Variants in AFG2A observed in about 807,000 individuals in gnomAD.
The protein encoded by AFG2A is AAA ATPase AFG2A.
chr4:123,075,319 A>G, the AFG2A span, among the ~76,000 whole-genome samples: 3 of 151,992 alleles, frequency 2.0e-5, no homozygotes, highest in Non-Finnish European at 2.9e-5. Flanking sequence ...GTCTAAAGCA[A>G]TTAGGATATT....
chr4:123,075,405 T>C, the AFG2A span, among the ~76,000 whole-genome samples: 1 of 151,840 alleles, frequency 6.6e-6, no homozygotes, highest in Non-Finnish European at 1.5e-5. Flanking sequence ...TTCAAGCGAT[T>C]CTCCTGCCTC....
At chr4:123,058,068 T>C in the AFG2A span, among the ~76,000 whole-genome samples, 1 of 152,192 alleles carries the variant, frequency 6.6e-6, no homozygotes, top group Non-Finnish European at 1.5e-5. Context: ...CCTTCTTAAT[T>C]AGAGCTGCCT....
At chr4:122,927,403 A>G in the AFG2A span, among the ~76,000 whole-genome samples, 1 of 152,200 alleles carries the variant, frequency 6.6e-6, no homozygotes, top group Non-Finnish European at 1.5e-5. Context: ...TACTCACCCC[A>G]TAAAACATCT....
At chr4:123,059,135 T>TTTTTA in the AFG2A span, among the ~76,000 whole-genome samples, 42,052 of 138,232 alleles carry the variant, frequency 0.3, 7,082 homozygotes, top group East Asian at 0.61. Flanking sequence ...TTTCTTTTCT[T>TTTTTA]TTTTATTTTA....
the AFG2A span, chr4:123,314,181 A>G: frequency 1.3e-5 from 10 of 770,732 alleles, no homozygotes; most frequent in Non-Finnish European, 1.9e-5. Flanking sequence ...AAGTATGTTC[A>G]GTAGAATTTA....
At chr4:123,028,490 T>C in the AFG2A span, 1 of 958,744 alleles carries the variant, frequency 1.0e-6, no homozygotes, top group Non-Finnish European at 1.6e-6. Flanking sequence ...TAAAGGCATC[T>C]TAAGGAGCAG....
the AFG2A span, among the ~76,000 whole-genome samples, chr4:122,930,846 A>C: frequency 1.3e-5 from 2 of 152,342 alleles, no homozygotes; most frequent in African/African-American, 4.8e-5. Context: ...GTCTTAGGTG[A>C]GTAATGATTG....
the AFG2A span, among the ~76,000 whole-genome samples, chr4:123,081,165 TG>T: frequency 6.6e-6 from 1 of 152,216 alleles, no homozygotes; most frequent in Admixed American, 6.5e-5. Flanking sequence ...GTACATTCTG[TG>T]GGTTTGGATG....
chr4:123,025,341 G>T, the AFG2A span, among the ~76,000 whole-genome samples: 1 of 152,164 alleles, frequency 6.6e-6, no homozygotes, highest in African/African-American at 2.4e-5. Flanking sequence ...TGGGAAATTT[G>T]ATTTGGTTTA....
the AFG2A span, chr4:123,028,045 A>G: frequency 1.5e-6 from 1 of 661,658 alleles, no homozygotes; most frequent in Non-Finnish European, 2.5e-6. Context: ...TTATTCTTGG[A>G]ATTTTTTAAA....
chr4:123,141,949 A>G, the AFG2A span, among the ~76,000 whole-genome samples: 6 of 152,124 alleles, frequency 3.9e-5, no homozygotes, highest in Admixed American at 3.9e-4. Flanking sequence ...ATTCCTTGGC[A>G]GTATTGTCCT....
chr4:123,195,134 C>T, the AFG2A span, among the ~76,000 whole-genome samples: 1 of 152,058 alleles, frequency 6.6e-6, no homozygotes, highest in Admixed American at 6.6e-5. Flanking sequence ...AGACAACATG[C>T]CAGTTAGTCA....
At chr4:123,132,781 T>C in the AFG2A span, among the ~76,000 whole-genome samples, 50 of 80,396 alleles carry the variant, frequency 6.2e-4, no homozygotes, top group African/African-American at 2.9e-3. Context: ...ATTTCAATCC[T>C]TTTTTTTTTT....
At chr4:122,974,589 C>G in the AFG2A span, among the ~76,000 whole-genome samples, 1 of 152,068 alleles carries the variant, frequency 6.6e-6, no homozygotes, top group Non-Finnish European at 1.5e-5. Flanking sequence ...GGCTGCCCAG[C>G]GTTGCAAGAA....
the AFG2A span, among the ~76,000 whole-genome samples, chr4:123,103,694 G>T: frequency 6.6e-6 from 1 of 152,046 alleles, no homozygotes; most frequent in Non-Finnish European, 1.5e-5. Context: ...GTCCAGCAAA[G>T]ACCTGTTTGT....
the AFG2A span, among the ~76,000 whole-genome samples, chr4:122,984,462 C>T: frequency 6.6e-6 from 1 of 152,106 alleles, no homozygotes; most frequent in East Asian, 1.9e-4. Flanking sequence ...TGTCTGATTG[C>T]TCTGGCTAGG....
the AFG2A span, among the ~76,000 whole-genome samples, chr4:123,313,209 A>T: frequency 2.0e-5 from 3 of 151,922 alleles, no homozygotes; most frequent in Non-Finnish European, 4.4e-5. Context: ...CTCCCTCTGC[A>T]TCCATTCCGC....
At chr4:123,215,370 A>T in the AFG2A span, among the ~76,000 whole-genome samples, 1 of 152,108 alleles carries the variant, frequency 6.6e-6, no homozygotes, top group Non-Finnish European at 1.5e-5. Context: ...GCTAGAAATT[A>T]TTGGATAAAT....
the AFG2A span, among the ~76,000 whole-genome samples, chr4:123,044,204 T>C: frequency 6.6e-6 from 1 of 152,196 alleles, no homozygotes; most frequent in African/African-American, 2.4e-5. Flanking sequence ...GTGGAAAGTT[T>C]GCACAACTTT....
Sources: allele counts gnomAD v4.1 joint callset (sites outside exome capture counted in the v4.1 genomes callset), GRCh38; gene constraint gnomAD v4.1.1; transcripts MANE v1.5; gene names NCBI Gene and HGNC (gene_info 2026-07-23, HGNC 2026-07-21).